ZNF584: variants seen among roughly 807,000 people sequenced by gnomAD.
The protein encoded by ZNF584 is zinc finger protein 584.
In ZNF584, 12 loss-of-function variants were observed where a neutral mutation model predicts 14.7. That is an observed-to-expected ratio of 0.82 (90% CI 0.52 to 1.32). The LOEUF (loss-of-function observed/expected upper bound fraction) is 1.32. Ranked by LOEUF, ZNF584 falls within the 40% of genes most tolerant of loss-of-function variation. The pLI, the probability that ZNF584 is intolerant of heterozygous loss-of-function variation, is 0.00. For missense variants in ZNF584, 478 were observed against 518.8 expected (o/e 0.92, Z 0.76); for synonymous variants, 204 against 190.9 (o/e 1.07, Z -0.57).
chr19:58,415,388 G>A, intron 2 of ZNF584, 136 bp from the exon 3 acceptor site: 1 of 862,298 alleles, frequency 1.2e-6, no homozygotes. Flanking sequence ...TGTAGAGTTG[G>A]GGTCTTACTG....
upstream of ZNF584, chr19:58,405,517 C>G (rs1245323556): frequency 6.4e-6 from 1 of 155,438 alleles, no homozygotes; most frequent in African/African-American, 2.5e-5. Context: ...GACGGGGCGG[C>G]TGCCGGGCGG....
chr19:58,405,275 CCCCA>C (rs2052460713), upstream of ZNF584: 1 of 115,502 alleles, frequency 8.7e-6, no homozygotes, highest in Admixed American at 7.8e-5. Flanking sequence ...GGGCTGACCC[CCCCA>C]CCTCCCTCCC....
At chr19:58,410,599 A>ATATATG (rs1568584598) in intron 2 of ZNF584, among the ~76,000 whole-genome samples, 2 of 40,764 alleles carry the variant, frequency 4.9e-5, no homozygotes, top group African/African-American at 4.8e-4. Context: ...ATATGTATAT[A>ATATATG]TATGTATATA....
At position 58,412,199 on chromosome 19, in the gene ZNF584, C is replaced by CTTTTTTTTTTTTTTTTTTTTT. The variant is rs35188048; in HGVS notation, c.169+2109_169+2129dup. Among the ~76,000 whole-genome samples the CTTTTTTTTTTTTTTTTTTTTT allele has an allele frequency of 6.0e-5, 5 of 83,932 alleles. 1 individual carries two copies. The highest frequency in any genetic ancestry group is 2.9e-4 in the African/African-American group (5 of 17,026). 55.1% of individuals were successfully genotyped at this position (83,932 alleles called of 152,430 possible). ...GTTTCACCATGTTGGCCAGGGTGGTCTTTTTTTTTTTTTTTTTTTTTGAGA... is the reference window on the plus strand; with the variant it reads ...GTTTCACCATGTTGGCCAGGGTGGTCTTTTTTTTTTTTTTTTTTTTTTTTTTTTTTTTTTTTTTTTTTGAGA... On this transcript the variant is annotated intron_variant, in intron 2 of 3. Coordinates refer to ENST00000306910, the MANE Select transcript of ZNF584 (RefSeq NM_173548.3).
chr19:58,412,954 T>C (rs1198711707), intron 2 of ZNF584, among the ~76,000 whole-genome samples: 1 of 152,214 alleles, frequency 6.6e-6, no homozygotes, highest in Non-Finnish European at 1.5e-5. Flanking sequence ...TTGTACATAG[T>C]ATTTCATTAT....
At position 58,417,448 on chromosome 19, in the gene ZNF584, T is replaced by G. The variant is rs2052659651; in HGVS notation, c.930T>G (p.Asn310Lys). ...AATGTGGGAAGTTCTTTAAATACAA[T>G]AATAGCTTCATTCTTCACCAGAGAG... The part of the protein sequence containing the change: ...CTECGKFFKY[N>K]NSFILHQRVH... Residue 310 changes from asparagine (N) to lysine (K), a missense_variant, in exon 4 of 4, where the codon AAT (asparagine) becomes AAG (lysine). Coordinates refer to ENST00000306910, the MANE Select transcript of ZNF584 (RefSeq NM_173548.3). 1 of 1,603,112 alleles carries G rather than the reference T, an allele frequency of 6.2e-7. No individual in the cohort carries two copies. Among genetic ancestry groups the G allele is most frequent in the East Asian group, 2.2e-5 (1 of 44,612 alleles).
At chr19:58,410,633 GTGTATATAT>G (rs2052548638) in intron 2 of ZNF584, among the ~76,000 whole-genome samples, 1 of 19,056 alleles carries the variant, frequency 5.2e-5, no homozygotes, top group Non-Finnish European at 1.0e-4. Context: ...GTGTATATAT[GTGTATATAT>G]ATGTGTATAT....
At chr19:58,410,582 T>TGTATATATAC (rs2052543572) in intron 2 of ZNF584, among the ~76,000 whole-genome samples, 3 of 28,466 alleles carry the variant, frequency 1.1e-4, no homozygotes, top group South Asian at 1.5e-3. Flanking sequence ...TGTATATATA[T>TGTATATATAC]GTATATATAT....
chr19:58,407,798 G>C (rs2052487029), upstream of ZNF584, among the ~76,000 whole-genome samples: 3 of 152,168 alleles, frequency 2.0e-5, no homozygotes, highest in South Asian at 6.2e-4. Context: ...GGACACCCAG[G>C]AGCCCGGTTA....
chr19:58,413,272 G>C (rs983034013), intron 2 of ZNF584, among the ~76,000 whole-genome samples: 1 of 151,968 alleles, frequency 6.6e-6, no homozygotes, highest in Non-Finnish European at 1.5e-5. Flanking sequence ...TAGCCATAAT[G>C]TTCCTGCTAA....
chr19:58,409,659 A>C (rs939063385), intron 1 of ZNF584, among the ~76,000 whole-genome samples: 1 of 152,202 alleles, frequency 6.6e-6, no homozygotes, highest in Non-Finnish European at 1.5e-5. Context: ...CATAGATGGC[A>C]TCAGTCTGGT....
At chr19:58,405,278 C>CT (rs1263287642), upstream of ZNF584, 2 of 114,834 alleles carry the variant, frequency 1.7e-5, no homozygotes, top group African/African-American at 7.6e-5. Flanking sequence ...CTGACCCCCC[C>CT]ACCTCCCTCC....
intron 2 of ZNF584, among the ~76,000 whole-genome samples, chr19:58,410,595 A>ATATATG (rs1342507549): frequency 2.8e-5 from 1 of 35,110 alleles, no homozygotes; most frequent in African/African-American, 2.9e-4. Context: ...ATATATATGT[A>ATATATG]TATATATGTA....
intron 2 of ZNF584, among the ~76,000 whole-genome samples, chr19:58,413,018 G>T (rs2052596041): frequency 6.6e-6 from 1 of 152,056 alleles, no homozygotes; most frequent in Non-Finnish European, 1.5e-5. Flanking sequence ...CCTGTTCAAA[G>T]TAGTATTGAG....
At chr19:58,411,018 C>T (rs1000906462) in intron 2 of ZNF584, among the ~76,000 whole-genome samples, 19 of 150,990 alleles carry the variant, frequency 1.3e-4, no homozygotes, top group East Asian at 7.9e-4. Context: ...TCTTGAACTC[C>T]GGACCTCATG....
upstream of ZNF584, chr19:58,405,161 G>C (rs2052458610): frequency 6.7e-6 from 1 of 149,512 alleles, no homozygotes. Flanking sequence ...CGGCTGGCCG[G>C]GCAGGGGGCT....
chr19:58,402,548 C>T (rs1322913259), intron 1 of ZNF584, among the ~76,000 whole-genome samples: 1 of 152,156 alleles, frequency 6.6e-6, no homozygotes, highest in Admixed American at 6.5e-5. Flanking sequence ...CAAGGCTGGG[C>T]GCGGTGGCTC....
chr19:58,411,480 C>A (rs560837765), intron 2 of ZNF584, among the ~76,000 whole-genome samples: 16 of 148,654 alleles, frequency 1.1e-4, no homozygotes, highest in African/African-American at 1.7e-4. Context: ...GAGCTGAGAT[C>A]GCACCATTGC....
chr19:58,410,681 A>ATGTG lies in ZNF584; in HGVS notation c.169+591_169+592insGTGT, dbSNP rs1199866127. On this transcript the variant is annotated intron_variant, in intron 2 of 3. Coordinates refer to ENST00000306910, the MANE Select transcript of ZNF584 (RefSeq NM_173548.3). ...TGTATATATGTATATATGTGTATATATATGTATATATGTATATATATATGT... is the reference window on the plus strand; with the variant it reads ...TGTATATATGTATATATGTGTATATATGTGTATGTATATATGTATATATATATGT... 5.8e-5 allele frequency among the ~76,000 whole-genome samples: 3 copies of ATGTG among 51,858 alleles called. 1 individual carries two copies. The highest frequency in any genetic ancestry group is 3.3e-5 in the Non-Finnish European group (1 of 30,056). The allele number at this position is 51,858 out of a possible 152,430, so 34.0% of individuals were successfully genotyped here. A position where few individuals can be genotyped will look rare whatever the true frequency, so the allele number is the denominator to read the frequency against.
Sources: allele counts gnomAD v4.1 joint callset (sites outside exome capture counted in the v4.1 genomes callset), GRCh38; gene constraint gnomAD v4.1.1; transcripts MANE v1.5; gene names NCBI Gene and HGNC (gene_info 2026-07-23, HGNC 2026-07-21).